Variants in ANKFN1 observed in about 807,000 individuals in gnomAD.
The protein encoded by ANKFN1 is ankyrin repeat and fibronectin type-III domain-containing protein 1.
A neutral mutation model predicts 108.7 loss-of-function variants in ANKFN1; 74 were observed. The observed-to-expected ratio is 0.68, with a 90% CI of 0.56 to 0.83. The LOEUF (loss-of-function observed/expected upper bound fraction) is 0.83. Ranked by LOEUF, ANKFN1 falls within the 40% of genes least tolerant of loss-of-function variation. The pLI is 0.00. For missense variants in ANKFN1, 1,505 were observed against 1,382.3 expected, an observed-to-expected ratio of 1.09 and a Z score of -1.41; for synonymous variants, 547 against 516.2, an observed-to-expected ratio of 1.06 and a Z score of -0.81.
chr17:56,481,620 C>T (rs1300043446), intron 17 of ANKFN1, among the ~76,000 whole-genome samples: 3 of 152,140 alleles, frequency 2.0e-5, no homozygotes, highest in Non-Finnish European at 4.4e-5. Flanking sequence ...TGGCCTCTAA[C>T]CCATGGAGGC....
At chr17:56,147,653 A>G (rs1344552289) in intron 4 of ANKFN1, among the ~76,000 whole-genome samples, 3 of 152,186 alleles carry the variant, frequency 2.0e-5, no homozygotes, top group African/African-American at 7.2e-5. Flanking sequence ...TGTGGGGATT[A>G]TTGGAACTAC....
At chr17:56,490,235 C>T (rs1311401335) in intron 18 of ANKFN1, among the ~76,000 whole-genome samples, 1 of 152,110 alleles carries the variant, frequency 6.6e-6, no homozygotes, top group East Asian at 1.9e-4. Context: ...TGTTTAGAAA[C>T]AAATGCTCTA....
intron 1 of ANKFN1, among the ~76,000 whole-genome samples, chr17:56,189,849 T>G (rs1912707526): frequency 1.3e-5 from 2 of 152,142 alleles, no homozygotes; most frequent in African/African-American, 4.8e-5. Flanking sequence ...TTCTAAGGCT[T>G]GTGGTTTCAA....
At chr17:56,142,956 G>T (rs535967406) in intron 4 of ANKFN1, among the ~76,000 whole-genome samples, 4 of 152,086 alleles carry the variant, frequency 2.6e-5, no homozygotes, top group East Asian at 1.9e-4. Flanking sequence ...CCAGAGGCGC[G>T]ATCTGATCAC....
intron 18 of ANKFN1, among the ~76,000 whole-genome samples, chr17:56,489,281 G>C (rs538131279): frequency 5.3e-5 from 8 of 152,184 alleles, no homozygotes; most frequent in African/African-American, 1.9e-4. Context: ...CATTATTGTA[G>C]CCTTATACCA....
chr17:56,412,557 G>C (rs1046494999), intron 8 of ANKFN1, among the ~76,000 whole-genome samples: 3 of 152,198 alleles, frequency 2.0e-5, no homozygotes, highest in African/African-American at 7.2e-5. Flanking sequence ...GAATGTGGAA[G>C]GACTGGACTG....
At chr17:56,312,311 T>C (rs902799143) in intron 3 of ANKFN1, among the ~76,000 whole-genome samples, 1 of 152,114 alleles carries the variant, frequency 6.6e-6, no homozygotes, top group African/African-American at 2.4e-5. Context: ...CCAGAGGCCT[T>C]TTGATTTGAC....
intron 16 of ANKFN1, among the ~76,000 whole-genome samples, chr17:56,480,204 T>A (rs1014797587): frequency 2.0e-5 from 3 of 152,140 alleles, no homozygotes; most frequent in East Asian, 1.9e-4. Context: ...AACCAAAATA[T>A]CCCCCATGAT....
intron 14 of ANKFN1, among the ~76,000 whole-genome samples, chr17:56,463,549 AAAG>A (rs2049981125): frequency 1.3e-5 from 2 of 152,206 alleles, no homozygotes; most frequent in Non-Finnish European, 2.9e-5. Flanking sequence ...TAAGTGACCA[AAAG>A]CCCACATTGT....
chr17:56,415,391 C>T (rs1443070469), intron 8 of ANKFN1, among the ~76,000 whole-genome samples: 1 of 152,160 alleles, frequency 6.6e-6, no homozygotes, highest in Non-Finnish European at 1.5e-5. Flanking sequence ...AATCAACGTA[C>T]AAAAATCAGT....
At chr17:56,267,699 G>T (rs966685974) in intron 3 of ANKFN1, among the ~76,000 whole-genome samples, 9 of 152,122 alleles carry the variant, frequency 5.9e-5, no homozygotes, top group African/African-American at 2.2e-4. Flanking sequence ...AGACCAGATG[G>T]TTGTATGTGT....
intron 3 of ANKFN1, among the ~76,000 whole-genome samples, chr17:56,244,199 A>G (rs1170418433): frequency 2.6e-5 from 4 of 152,162 alleles, no homozygotes; most frequent in Admixed American, 2.6e-4. Flanking sequence ...AATTTCAAAA[A>G]TATGTATCAA....
intron 4 of ANKFN1, among the ~76,000 whole-genome samples, chr17:56,145,238 T>C (rs115000991): frequency 0.029 from 4,435 of 152,296 alleles, 127 homozygotes; most frequent in African/African-American, 0.079. Context: ...GATCTTTCCC[T>C]GACTTCAGTG....
intron 10 of ANKFN1, among the ~76,000 whole-genome samples, chr17:56,443,185 T>C (rs919955342): frequency 6.6e-6 from 1 of 152,168 alleles, no homozygotes; most frequent in African/African-American, 2.4e-5. Context: ...TCTTATCATC[T>C]GTGTGGCCTT....
At chr17:56,180,939 A>G (rs1404834433) in intron 1 of ANKFN1, among the ~76,000 whole-genome samples, 2 of 152,136 alleles carry the variant, frequency 1.3e-5, no homozygotes, top group African/African-American at 2.4e-5. Flanking sequence ...AGCCACACCA[A>G]TGGCTTTAGC....
chr17:56,363,274 A>G (rs927054940), intron 6 of ANKFN1, among the ~76,000 whole-genome samples: 1 of 152,194 alleles, frequency 6.6e-6, no homozygotes, highest in African/African-American at 2.4e-5. Flanking sequence ...AGGGTTTCTT[A>G]AAAGAAGACA....
At chr17:56,437,901 C>T (rs184364850) in intron 8 of ANKFN1, among the ~76,000 whole-genome samples, 1 of 149,660 alleles carries the variant, frequency 6.7e-6, no homozygotes, top group Non-Finnish European at 1.5e-5. Flanking sequence ...TTTCAAGGGG[C>T]AAGAAACTAG....
chr17:56,136,217 C>T (rs1377478845), intron 4 of ANKFN1, among the ~76,000 whole-genome samples: 3 of 152,048 alleles, frequency 2.0e-5, no homozygotes, highest in Admixed American at 2.0e-4. Flanking sequence ...CATTCACTGC[C>T]CCCCATGGAA....
chr17:56,418,362 G>A (rs549961187), intron 8 of ANKFN1, among the ~76,000 whole-genome samples: 57 of 152,190 alleles, frequency 3.7e-4, no homozygotes, highest in South Asian at 3.5e-3. Context: ...TCAAAACCCC[G>A]TAACAGTTTT....
Sources: allele counts gnomAD v4.1 joint callset (sites outside exome capture counted in the v4.1 genomes callset), GRCh38; gene constraint gnomAD v4.1.1; transcripts MANE v1.5; gene names NCBI Gene and HGNC (gene_info 2026-07-23, HGNC 2026-07-21).